Variants in WDR25 observed in about 807,000 individuals in gnomAD.
WDR25 encodes WD repeat domain 25.
WDR25 carries 35 observed loss-of-function variants against 47.7 expected under a neutral mutation model. The observed-to-expected ratio is 0.73, with a 90% CI of 0.56 to 0.97. The LOEUF is 0.97. Ranked by LOEUF, WDR25 falls within the 50% of genes least tolerant of loss-of-function variation. WDR25 has a pLI of 0.00. For synonymous variants in WDR25, 248 were observed against 278.9 expected (o/e 0.89, Z 1.10); for missense variants, 634 against 704.7 (o/e 0.90, Z 1.14).
intron 2 of WDR25, among the ~76,000 whole-genome samples, chr14:100,413,688 C>T (rs898458204): frequency 1.3e-5 from 2 of 152,236 alleles, no homozygotes; most frequent in Non-Finnish European, 2.9e-5. Context: ...GTTGGGATTA[C>T]AGGCGTGAGC....
At chr14:100,521,179 G>GACACACAC (rs559590297) in intron 4 of WDR25, among the ~76,000 whole-genome samples, 2 of 148,090 alleles carry the variant, frequency 1.4e-5, no homozygotes, top group Non-Finnish European at 1.5e-5. Context: ...CACACACATA[G>GACACACAC]ACACACACAC....
intron 4 of WDR25, among the ~76,000 whole-genome samples, chr14:100,518,576 G>A (rs1351666323): frequency 6.6e-6 from 1 of 152,084 alleles, no homozygotes; most frequent in African/African-American, 2.4e-5. Flanking sequence ...GGGTACTGCT[G>A]TCTTCACCTT....
In WDR25 at chr14:100,530,043, C is replaced by A; in HGVS notation, c.*2C>A. 1 of 1,607,350 alleles carries A rather than the reference C, an allele frequency of 6.2e-7. No homozygotes were observed. The highest frequency in any genetic ancestry group is 8.5e-7 in the Non-Finnish European group (1 of 1,175,944). ...GGGGACATGAAGATCTGGCACTGAG[C>A]TTTTTGTCACTGAACCTTCCCGATG... On this transcript the variant is annotated 3_prime_UTR_variant, in exon 7 of 7. Coordinates refer to ENST00000402312, the MANE Select transcript of WDR25 (RefSeq NM_001161476.3).
intron 2 of WDR25, among the ~76,000 whole-genome samples, chr14:100,434,382 C>G (rs577360882): frequency 6.6e-6 from 1 of 152,292 alleles, no homozygotes; most frequent in East Asian, 1.9e-4. Flanking sequence ...TATGTATTTG[C>G]TCAATTCTAG....
At chr14:100,442,190 T>G (rs1374050143) in intron 2 of WDR25, among the ~76,000 whole-genome samples, 4 of 152,190 alleles carry the variant, frequency 2.6e-5, no homozygotes, top group Non-Finnish European at 5.9e-5. Context: ...TGCTCCTGGA[T>G]GGACTGATGA....
At chr14:100,413,630 GTCTC>G (rs1456347621) in intron 2 of WDR25, among the ~76,000 whole-genome samples, 3 of 151,938 alleles carry the variant, frequency 2.0e-5, no homozygotes, top group Non-Finnish European at 4.4e-5. Flanking sequence ...AGCCAGGATG[GTCTC>G]GATCTCCTGA....
At position 100,477,276 on chromosome 14, in the gene WDR25, G is replaced by A. The variant is rs1321476091; in HGVS notation, c.971-6718G>A. The stretch of plus-strand genomic sequence containing the variant: ...TGCATTGTGTTTTAAACTTGTTTTT[G>A]CTTTAACAATTTTTTTATTTGTATC... On this transcript the variant is annotated intron_variant, in intron 3 of 6. Coordinates refer to ENST00000402312, the MANE Select transcript of WDR25 (RefSeq NM_001161476.3). Among the ~76,000 whole-genome samples, 4 of 152,150 alleles carry A rather than the reference G, an allele frequency of 2.6e-5. No individual in the cohort carries two copies. The East Asian group carries it at 5.8e-4, about 22-fold the overall frequency.
intron 2 of WDR25, among the ~76,000 whole-genome samples, chr14:100,448,885 C>G (rs1194132614): frequency 2.6e-5 from 4 of 151,744 alleles, no homozygotes; most frequent in African/African-American, 4.8e-5. Context: ...TCATGGGAGA[C>G]AGGAGAGAAG....
chr14:100,383,343 A>G (rs1207416185), intron 2 of WDR25, among the ~76,000 whole-genome samples: 2 of 152,096 alleles, frequency 1.3e-5, no homozygotes, highest in Non-Finnish European at 2.9e-5. Flanking sequence ...GCTGGGATTG[A>G]TCCTGTGGCC....
At chr14:100,470,993 C>T (rs1881050128) in intron 3 of WDR25, among the ~76,000 whole-genome samples, 1 of 152,228 alleles carries the variant, frequency 6.6e-6, no homozygotes, top group African/African-American at 2.4e-5. Flanking sequence ...CCGTTTCGTT[C>T]ACTCCGCAGT....
chr14:100,454,341 G>C, intron 2 of WDR25: 2 of 1,280,382 alleles, frequency 1.6e-6, no homozygotes, highest in Non-Finnish European at 2.0e-6. Flanking sequence ...GAGGTAATGG[G>C]GTAATGGAGT....
intron 5 of WDR25, among the ~76,000 whole-genome samples, 195 bp from the exon 6 acceptor site, chr14:100,528,873 A>T (rs1258470191): frequency 2.0e-5 from 3 of 152,102 alleles, no homozygotes; most frequent in African/African-American, 7.2e-5. Context: ...CCTTTTTCAG[A>T]CTTCCGACTC....
intron 2 of WDR25, among the ~76,000 whole-genome samples, chr14:100,403,242 G>T (rs1897432752): frequency 6.6e-6 from 1 of 152,188 alleles, no homozygotes; most frequent in African/African-American, 2.4e-5. Context: ...ATCTGGAGAG[G>T]CCACATCTGG....
At chr14:100,408,623 C>T (rs1168704726) in intron 2 of WDR25, among the ~76,000 whole-genome samples, 3 of 152,244 alleles carry the variant, frequency 2.0e-5, no homozygotes, top group East Asian at 1.9e-4. Flanking sequence ...GACTCAGTGA[C>T]GCAGCTGAGA....
At chr14:100,494,817 G>T (rs1460821467) in intron 4 of WDR25, among the ~76,000 whole-genome samples, 1 of 152,206 alleles carries the variant, frequency 6.6e-6, no homozygotes, top group Admixed American at 6.5e-5. Context: ...GGTCAGCTAG[G>T]CTGTGATAAA....
chr14:100,530,071 A>C lies in WDR25; in HGVS notation c.*30A>C, dbSNP rs759109462. ...TTTGTCACTGAACCTTCCCGATGCCAGCTGGGCTCTTGGACTCCCCTCTTC... is the reference window on the plus strand; with the variant it reads ...TTTGTCACTGAACCTTCCCGATGCCCGCTGGGCTCTTGGACTCCCCTCTTC... On this transcript the variant is annotated 3_prime_UTR_variant, in exon 7 of 7. Coordinates refer to ENST00000402312, the MANE Select transcript of WDR25 (RefSeq NM_001161476.3). The C allele has an allele frequency of 2.0e-5, 32 of 1,587,966 alleles. No individual in the cohort carries two copies. The highest frequency in any genetic ancestry group is 2.7e-5 in the Non-Finnish European group (31 of 1,164,358).
chr14:100,518,173 C>G (rs1045674676), intron 4 of WDR25, among the ~76,000 whole-genome samples: 7 of 152,180 alleles, frequency 4.6e-5, no homozygotes, highest in Non-Finnish European at 7.3e-5. Context: ...CAGGTCTGTT[C>G]ATGACAAATT....
chr14:100,480,425 T>C (rs191411582), intron 3 of WDR25, among the ~76,000 whole-genome samples: 18 of 152,344 alleles, frequency 1.2e-4, no homozygotes, highest in Admixed American at 3.3e-4. Flanking sequence ...AAATTTTCTC[T>C]GTTGATAAGT....
intron 4 of WDR25, among the ~76,000 whole-genome samples, chr14:100,517,208 A>G (rs1901534836): frequency 7.5e-6 from 1 of 133,244 alleles, no homozygotes; most frequent in African/African-American, 2.9e-5. Context: ...TCCCGCCTCC[A>G]GGGTTCACGC....
Sources: allele counts gnomAD v4.1 joint callset (sites outside exome capture counted in the v4.1 genomes callset), GRCh38; gene constraint gnomAD v4.1.1; transcripts MANE v1.5; gene names NCBI Gene and HGNC (gene_info 2026-07-23, HGNC 2026-07-21).